The following MYO16 variants were observed in gnomAD, a reference collection of about 807,000 sequenced individuals.
The protein encoded by MYO16 is unconventional myosin-XVI.
A neutral mutation model predicts 205.3 loss-of-function variants in MYO16; 94 were observed. The observed-to-expected ratio is 0.46, with a 90% CI of 0.39 to 0.54. The LOEUF is 0.54. MYO16 is among the 20% of genes least tolerant of loss of function. The pLI, the probability that MYO16 is intolerant of heterozygous loss-of-function variation, is 0.00. For synonymous variants in MYO16, 988 were observed against 954.0 expected (o/e 1.04, Z -0.66); for missense variants, 2,315 against 2,387.5 (o/e 0.97, Z 0.63).
At chr13:108,601,857 A>T (rs542205063) in intron 1 of MYO16, among the ~76,000 whole-genome samples, 2 of 152,072 alleles carry the variant, frequency 1.3e-5, no homozygotes, top group East Asian at 1.9e-4. Context: ...CAGGCCTCTC[A>T]ATTTGGGAGA....
At chr13:109,108,639 T>G (rs951262510) in intron 28 of MYO16, among the ~76,000 whole-genome samples, 9 of 152,210 alleles carry the variant, frequency 5.9e-5, no homozygotes, top group Admixed American at 3.3e-4. Flanking sequence ...ACAGTCAGCT[T>G]TAAACTAATA....
At chr13:108,564,596 G>A in the MYO16 span, among the ~76,000 whole-genome samples, 1 of 151,626 alleles carries the variant, frequency 6.6e-6, no homozygotes, top group African/African-American at 2.4e-5. Context: ...CTCATTCTAT[G>A]GGTTGTCTCT....
At chr13:108,628,612 G>A (rs961827360), upstream of MYO16, among the ~76,000 whole-genome samples, 4 of 152,090 alleles carry the variant, frequency 2.6e-5, no homozygotes, top group Non-Finnish European at 4.4e-5. Context: ...TTTACATCAC[G>A]CTACTAAAAT....
chr13:109,022,273 A>G (rs1192041885), intron 23 of MYO16, among the ~76,000 whole-genome samples: 5 of 131,058 alleles, frequency 3.8e-5, no homozygotes, highest in Non-Finnish European at 7.8e-5. Context: ...ACATATACAT[A>G]TTTATATATA....
the MYO16 span, among the ~76,000 whole-genome samples, chr13:108,542,873 AT>A: frequency 1.6e-4 from 24 of 151,612 alleles, no homozygotes; most frequent in African/African-American, 5.3e-4. Context: ...TATAGTTTAT[AT>A]TTATTTATAG....
chr13:108,998,813 C>T (rs1052014770), intron 21 of MYO16, among the ~76,000 whole-genome samples: 4 of 152,196 alleles, frequency 2.6e-5, no homozygotes, highest in Non-Finnish European at 4.4e-5. Flanking sequence ...ACGTTGGTCT[C>T]TCCATGTTGG....
chr13:109,040,361 T>TAC (rs367712905), intron 23 of MYO16, among the ~76,000 whole-genome samples: 15,145 of 111,990 alleles, frequency 0.14, 1,090 homozygotes, highest in Non-Finnish European at 0.16. Context: ...GACAGTAGCA[T>TAC]ACACACACAC....
intron 1 of MYO16, among the ~76,000 whole-genome samples, chr13:108,606,247 G>A (rs1878954074): frequency 6.6e-6 from 1 of 152,186 alleles, no homozygotes; most frequent in African/African-American, 2.4e-5. Context: ...TAGGTAATGA[G>A]GAATCAAATG....
At chr13:108,580,975 A>G in the MYO16 span, among the ~76,000 whole-genome samples, 5 of 152,244 alleles carry the variant, frequency 3.3e-5, no homozygotes, top group African/African-American at 1.2e-4. Context: ...AGCCTTCAGC[A>G]AGCATGTTTC....
intron 11 of MYO16, among the ~76,000 whole-genome samples, chr13:108,856,980 A>G (rs1878210877): frequency 3.3e-5 from 5 of 152,184 alleles, no homozygotes; most frequent in Admixed American, 3.3e-4. Flanking sequence ...CTTCTTCCAG[A>G]GGCTAGAATC....
chr13:109,103,443 G>A lies in MYO16; in HGVS notation c.3438+2556G>A, dbSNP rs560700354. Among the ~76,000 whole-genome samples, 212 of 152,292 alleles carry A rather than the reference G, an allele frequency of 1.4e-3. 1 individual carries two copies. Among genetic ancestry groups the A allele is most frequent in the Middle Eastern group, 0.01 (3 of 294 alleles). On this transcript the variant is annotated intron_variant, in intron 28 of 34. Coordinates refer to ENST00000457511, the MANE Select transcript of MYO16 (RefSeq NM_001198950.3). ...TCCTTTAGTCCTGAGTGGTTAGCAT[G>A]AAATGAATGGTTACTCTTTTCCATA...
intron 4 of MYO16, among the ~76,000 whole-genome samples, chr13:108,740,053 G>A (rs571092054): frequency 8.1e-4 from 124 of 152,220 alleles, no homozygotes; most frequent in African/African-American, 2.9e-3. Context: ...TTTTTTAGAG[G>A]TTTTTAGCTT....
intron 9 of MYO16, among the ~76,000 whole-genome samples, chr13:108,831,335 G>T (rs1876611435): frequency 6.6e-6 from 1 of 152,158 alleles, no homozygotes; most frequent in Non-Finnish European, 1.5e-5. Flanking sequence ...ATTTGTAATT[G>T]TCAAAGATTT....
chr13:108,824,543 A>G (rs1430522790), intron 9 of MYO16, among the ~76,000 whole-genome samples: 1 of 152,110 alleles, frequency 6.6e-6, no homozygotes, highest in Non-Finnish European at 1.5e-5. Context: ...TTAATGCCCA[A>G]CTTTCAAAAA....
At chr13:108,772,291 A>C (rs774859584) in intron 4 of MYO16, among the ~76,000 whole-genome samples, 1 of 152,152 alleles carries the variant, frequency 6.6e-6, no homozygotes, top group Non-Finnish European at 1.5e-5. Context: ...TTTAGCCTGC[A>C]GTGAACCATG....
the MYO16 span, among the ~76,000 whole-genome samples, chr13:108,559,326 C>G: frequency 1.3e-5 from 2 of 152,052 alleles, no homozygotes; most frequent in African/African-American, 2.4e-5. Flanking sequence ...ATGCATGGAG[C>G]AGGTTTTCCC....
At position 109,198,514 on chromosome 13, in the gene MYO16, C is replaced by T. The variant is rs536609683; in HGVS notation, c.5416-8095C>T. On this transcript the variant is annotated intron_variant, in intron 34 of 34. Coordinates refer to ENST00000457511, the MANE Select transcript of MYO16 (RefSeq NM_001198950.3). Reference sequence around the variant, plus strand: ...GTTATGTTTTAAATCTAATGTGTTGCTCAGTATTTTCTGGGTTGCTTTTTA... The same window carrying T: ...GTTATGTTTTAAATCTAATGTGTTGTTCAGTATTTTCTGGGTTGCTTTTTA... Among the ~76,000 whole-genome samples the T allele has an allele frequency of 2.6e-4, 39 of 152,144 alleles. 1 individual carries two copies. In the South Asian group the frequency reaches 7.9e-3, roughly 31 times the overall value.
chr13:109,074,049 ATTTTTTAAG>A (rs75600618), intron 27 of MYO16, among the ~76,000 whole-genome samples: 72,685 of 151,530 alleles, frequency 0.48, 17,602 homozygotes, highest in Middle Eastern at 0.54. Context: ...TCCAGGACAG[ATTTTTTAAG>A]TTTCTCTGAA....
At chr13:109,117,416 ATATG>A (rs1875756472) in intron 28 of MYO16, among the ~76,000 whole-genome samples, 3 of 139,958 alleles carry the variant, frequency 2.1e-5, no homozygotes, top group Non-Finnish European at 4.7e-5. Flanking sequence ...ATATGTGTAT[ATATG>A]TATATGTGTA....
Sources: gnomAD v4.1 joint callset for allele counts (sites outside exome capture counted in the v4.1 genomes callset) on GRCh38, gnomAD v4.1.1 for gene constraint, MANE v1.5 for transcripts, NCBI Gene and HGNC (gene_info 2026-07-23, HGNC 2026-07-21) for gene names.